Variants in SPOCK3 observed in about 807,000 individuals in gnomAD.
The protein encoded by SPOCK3 is SPARC (osteonectin), cwcv and kazal like domains proteoglycan 3.
A neutral mutation model predicts 56.6 loss-of-function variants in SPOCK3; 30 were observed. The ratio of observed to expected loss-of-function variants is 0.53; its 90% CI spans 0.40 to 0.72. SPOCK3 has a LOEUF of 0.72. SPOCK3 is among the 30% of genes least tolerant of loss of function. SPOCK3 has a pLI of 0.00. For missense variants in SPOCK3, 527 were observed against 530.0 expected, an observed-to-expected ratio of 0.99 and a Z score of 0.06; for synonymous variants, 196 against 183.3, an observed-to-expected ratio of 1.07 and a Z score of -0.56.
At chr4:166,893,575 C>T (rs974841226) in intron 5 of SPOCK3, among the ~76,000 whole-genome samples, 2 of 150,656 alleles carry the variant, frequency 1.3e-5, no homozygotes, top group Non-Finnish European at 3.0e-5. Context: ...AGAGCTTATG[C>T]AACTGATAAA....
At chr4:166,787,308 G>A (rs1255587895) in intron 7 of SPOCK3, among the ~76,000 whole-genome samples, 4 of 152,060 alleles carry the variant, frequency 2.6e-5, no homozygotes, top group East Asian at 1.9e-4. Context: ...AACATTCTTT[G>A]TACAACCAGA....
chr4:167,060,731 T>C (rs746891004), intron 3 of SPOCK3, among the ~76,000 whole-genome samples: 13 of 152,088 alleles, frequency 8.5e-5, no homozygotes, highest in Non-Finnish European at 1.6e-4. Context: ...CTTGATAGTG[T>C]TATCATATGA....
At chr4:167,012,594 A>G (rs1750189836) in intron 3 of SPOCK3, among the ~76,000 whole-genome samples, 1 of 151,982 alleles carries the variant, frequency 6.6e-6, no homozygotes, top group Non-Finnish European at 1.5e-5. Context: ...CATGATTTAA[A>G]AGCAGATGAA....
At chr4:166,891,378 C>G (rs1162018627) in intron 5 of SPOCK3, among the ~76,000 whole-genome samples, 2 of 151,980 alleles carry the variant, frequency 1.3e-5, no homozygotes, top group African/African-American at 4.8e-5. Context: ...AATAGCTAAT[C>G]AGATTACTCA....
intron 4 of SPOCK3, among the ~76,000 whole-genome samples, chr4:166,939,587 A>T (rs1328293654): frequency 6.6e-6 from 1 of 152,162 alleles, no homozygotes; most frequent in Non-Finnish European, 1.5e-5. Context: ...CAGGAAGAGA[A>T]GTTATTTGGC....
At position 166,734,922 on chromosome 4, in the gene SPOCK3, C is replaced by T. The variant is rs1057377; in HGVS notation, c.1301G>A (p.Ter434=). 0.21 allele frequency: 320,269 copies of T among 1,495,694 alleles called. 38,281 individuals are homozygous for T. The highest frequency in any genetic ancestry group is 0.25 in the South Asian group (19,981 of 79,144). The allele number at this position is 1,495,694 out of a possible 1,614,324, so 92.7% of individuals were successfully genotyped here. ...TTTATTGATTTCAACTGTCATCAAT[C>T]AAATGTATACATCATGGTCATCACC... ...DGGDDHDVYI[*] Residue 434 remains the stop codon, a stop_retained_variant, in exon 11 of 11, where the codon TGA becomes TAA. Coordinates refer to ENST00000357545, the MANE Select transcript of SPOCK3 (RefSeq NM_001040159.2).
rs1236343103 is a variant in SPOCK3 at position 166,739,231 on chromosome 4, CATTT to C, written c.995-1631_995-1628del. On this transcript the variant is annotated intron_variant, in intron 9 of 10. Transcript: ENST00000357545. ...TTCTCTGATGGCCAGTGATGGTGAG[CATTT>C]ATTTATTTATTTATTTATTTTTTGA... is the stretch of plus-strand genomic sequence containing the variant. 2.6e-5 allele frequency among the ~76,000 whole-genome samples: 4 copies of C among 151,902 alleles called. No individual in the cohort carries two copies. In the South Asian group the frequency reaches 6.2e-4, roughly 24 times the overall value.
intron 3 of SPOCK3, among the ~76,000 whole-genome samples, chr4:167,024,076 A>G (rs921785403): frequency 1.3e-5 from 2 of 151,996 alleles, no homozygotes; most frequent in African/African-American, 2.4e-5. Context: ...ATTTGCCTGG[A>G]GGAATTGCCT....
intron 3 of SPOCK3, among the ~76,000 whole-genome samples, chr4:167,047,862 A>T (rs528786452): frequency 2.0e-5 from 3 of 152,318 alleles, no homozygotes; most frequent in Non-Finnish European, 4.4e-5. Flanking sequence ...AGCCTGGCCA[A>T]CATGGCAAAA....
At chr4:167,211,946 T>C (rs985544856) in intron 2 of SPOCK3, among the ~76,000 whole-genome samples, 2 of 152,204 alleles carry the variant, frequency 1.3e-5, no homozygotes, top group African/African-American at 4.8e-5. Flanking sequence ...GCATTACTAT[T>C]TACCAAATTG....
intron 4 of SPOCK3, among the ~76,000 whole-genome samples, chr4:166,990,656 G>A (rs1174521331): frequency 1.3e-5 from 2 of 151,970 alleles, no homozygotes; most frequent in South Asian, 2.1e-4. Flanking sequence ...CTAGGAGGAG[G>A]TTTAGCTCTA....
chr4:166,940,689 G>T (rs1740951082), intron 4 of SPOCK3, among the ~76,000 whole-genome samples: 1 of 150,738 alleles, frequency 6.6e-6, no homozygotes, highest in Non-Finnish European at 1.5e-5. Context: ...TACTGTGTAT[G>T]TGCACCCAGA....
intron 4 of SPOCK3, among the ~76,000 whole-genome samples, chr4:166,920,590 T>C (rs1301932176): frequency 6.6e-6 from 1 of 152,182 alleles, no homozygotes; most frequent in Non-Finnish European, 1.5e-5. Flanking sequence ...TTTGAGTTCA[T>C]AAAAATATGT....
chr4:166,867,460 A>G (rs1178852255), intron 6 of SPOCK3, among the ~76,000 whole-genome samples: 1 of 151,926 alleles, frequency 6.6e-6, no homozygotes, highest in Non-Finnish European at 1.5e-5. Context: ...TACTATGATT[A>G]TCATAAAACA....
At chr4:167,055,475 T>G (rs1253452250) in intron 3 of SPOCK3, among the ~76,000 whole-genome samples, 1 of 152,080 alleles carries the variant, frequency 6.6e-6, no homozygotes, top group Non-Finnish European at 1.5e-5. Context: ...CAGCACACCG[T>G]GCGCGAGCCA....
intron 4 of SPOCK3, 31 bp from the exon 5 acceptor site, chr4:166,912,774 C>T (rs896907624): frequency 7.0e-6 from 11 of 1,560,412 alleles, no homozygotes; most frequent in Non-Finnish European, 9.5e-6. Context: ...GCATATTGAG[C>T]ATATTTATTT....
intron 3 of SPOCK3, among the ~76,000 whole-genome samples, chr4:167,028,465 T>G (rs933634488): frequency 3.9e-5 from 6 of 151,986 alleles, no homozygotes; most frequent in African/African-American, 1.2e-4. Context: ...TAATAAAAAT[T>G]TATGCTCTCT....
chr4:166,999,720 C>T (rs1331989954), intron 4 of SPOCK3, among the ~76,000 whole-genome samples: 2 of 152,312 alleles, frequency 1.3e-5, no homozygotes, highest in East Asian at 3.9e-4. Flanking sequence ...CAGCACCAAA[C>T]TACACAGGCT....
chr4:167,021,983 C>T (rs192703453), intron 3 of SPOCK3, among the ~76,000 whole-genome samples: 6 of 152,094 alleles, frequency 3.9e-5, no homozygotes, highest in Admixed American at 3.9e-4. Flanking sequence ...CTTAGTAATT[C>T]TTTTACTTGT....
Sources: allele counts gnomAD v4.1 joint callset (sites outside exome capture counted in the v4.1 genomes callset), GRCh38; gene constraint gnomAD v4.1.1; transcripts MANE v1.5; gene names NCBI Gene and HGNC (gene_info 2026-07-23, HGNC 2026-07-21).